The following DTNA variants were observed in gnomAD, a reference collection of about 807,000 sequenced individuals.
DTNA encodes the protein dystrobrevin alpha, also known as dystrophin-related protein 3.
DTNA carries 43 observed loss-of-function variants against 100.7 expected under a neutral mutation model. The ratio of observed to expected loss-of-function variants is 0.43; its 90% confidence interval spans 0.33 to 0.55. The LOEUF (loss-of-function observed/expected upper bound fraction) is 0.55. Ranked by LOEUF, DTNA falls within the 20% of genes least tolerant of loss-of-function variation. DTNA has a pLI of 0.04. For missense variants in DTNA, 798 were observed against 953.9 expected, an observed-to-expected ratio of 0.84 and a Z score of 2.15; for synonymous variants, 349 against 347.9, an observed-to-expected ratio of 1.00 and a Z score of -0.04.
chr18:34,855,166 G>T (rs369087782), intron 15 of DTNA, among the ~76,000 whole-genome samples: 93 of 152,328 alleles, frequency 6.1e-4, no homozygotes, highest in Middle Eastern at 6.8e-3. Context: ...CAAGACACTT[G>T]CCAGGCTAGC....
intron 1 of DTNA, among the ~76,000 whole-genome samples, chr18:34,693,242 A>C (rs2080034909): frequency 6.6e-6 from 1 of 152,184 alleles, no homozygotes; most frequent in African/African-American, 2.4e-5. Context: ...TGGGAGCCTG[A>C]GATAAATAAA....
chr18:34,701,605 C>G (rs2081380038), intron 1 of DTNA, among the ~76,000 whole-genome samples: 1 of 152,158 alleles, frequency 6.6e-6, no homozygotes, highest in Non-Finnish European at 1.5e-5. Context: ...AATACAGACA[C>G]AGCCTATGTG....
chr18:34,852,995 C>CTTTG (rs1410599163), intron 15 of DTNA, among the ~76,000 whole-genome samples: 2 of 152,122 alleles, frequency 1.3e-5, no homozygotes, highest in African/African-American at 4.8e-5. Context: ...TCTTTGAGAA[C>CTTTG]AGAGGCCATG....
intron 1 of DTNA, among the ~76,000 whole-genome samples, chr18:34,544,166 A>G (rs778606407): frequency 1.3e-5 from 2 of 152,112 alleles, no homozygotes; most frequent in Non-Finnish European, 2.9e-5. Flanking sequence ...CTGTGGCATC[A>G]TTAATAAGTA....
At chr18:34,735,952 C>A (rs1406322804) in intron 1 of DTNA, among the ~76,000 whole-genome samples, 1 of 152,156 alleles carries the variant, frequency 6.6e-6, no homozygotes, top group Non-Finnish European at 1.5e-5. Context: ...GATCCTCACC[C>A]AACTCACCCC....
intron 1 of DTNA, among the ~76,000 whole-genome samples, chr18:34,641,414 A>G (rs1043742967): frequency 6.6e-6 from 1 of 152,210 alleles, no homozygotes. Context: ...GCAACTCTGA[A>G]TATTACAGAC....
At chr18:34,633,407 G>A (rs1268111719) in intron 1 of DTNA, among the ~76,000 whole-genome samples, 1 of 152,040 alleles carries the variant, frequency 6.6e-6, no homozygotes, top group Non-Finnish European at 1.5e-5. Flanking sequence ...ATAAATGTTA[G>A]GTTTAATTAT....
At chr18:34,726,629 C>G (rs1241652799) in intron 1 of DTNA, among the ~76,000 whole-genome samples, 1 of 152,208 alleles carries the variant, frequency 6.6e-6, no homozygotes, top group Non-Finnish European at 1.5e-5. Flanking sequence ...ATCCTTCACT[C>G]CTTGTCCTGA....
intron 1 of DTNA, among the ~76,000 whole-genome samples, chr18:34,575,102 T>C (rs761463753): frequency 6.6e-6 from 1 of 152,204 alleles, no homozygotes; most frequent in African/African-American, 2.4e-5. Flanking sequence ...GTGAAACATT[T>C]CTTCTCTCTT....
In DTNA at chr18:34,509,676, T is replaced by C. The variant is rs1247295501; in HGVS notation, c.-2+16162T>C. 1.3e-5 allele frequency among the ~76,000 whole-genome samples: 2 copies of C among 152,190 alleles called. 1 individual carries two copies. Among genetic ancestry groups the C allele is most frequent in the Non-Finnish European group, 2.9e-5 (2 of 68,026 alleles). On this transcript the variant is annotated intron_variant, in intron 1 of 19. Coordinates refer to the DTNA transcript ENST00000283365. ...ACATTTCAAATCATCTAGCTGTTCTTTTATTGTTTGCCTCAGTGTCAACAT... is the reference window on the plus strand; with the variant it reads ...ACATTTCAAATCATCTAGCTGTTCTCTTATTGTTTGCCTCAGTGTCAACAT...
At chr18:34,681,731 C>CACACACACACACACA (rs1491407771) in intron 1 of DTNA, among the ~76,000 whole-genome samples, 14 of 148,160 alleles carry the variant, frequency 9.4e-5, no homozygotes, top group African/African-American at 3.3e-4. Flanking sequence ...CACACACACA[C>CACACACACACACACA]CCCACACACA....
At position 34,888,533 on chromosome 18, in the gene DTNA, T is replaced by G; in HGVS notation, c.*799T>G. Reference sequence around the variant, plus strand: ...CCATAGAATTTAGTGTAAATATTTTTTTTTCCAAATAGATATCATATTCAA... The same window carrying G: ...CCATAGAATTTAGTGTAAATATTTTGTTTTCCAAATAGATATCATATTCAA... On this transcript the variant is annotated 3_prime_UTR_variant, in exon 23 of 23. Coordinates refer to ENST00000444659, the MANE Select transcript of DTNA (RefSeq NM_001386795.1). 1.0e-6 allele frequency: 1 copy of G among 985,658 alleles called. No individual in the cohort carries two copies. The highest frequency in any genetic ancestry group is 1.2e-6 in the Non-Finnish European group (1 of 829,762). The allele number at this position is 985,658 out of a possible 1,614,324, so 61.1% of individuals were successfully genotyped here. A position where few individuals can be genotyped will look rare whatever the true frequency, so the allele number is the denominator to read the frequency against.
Position 34,538,908 on chromosome 18 carries a change from AT to A in DTNA, c.-2+45397del, listed in dbSNP as rs1241097479. 1.2e-4 allele frequency among the ~76,000 whole-genome samples: 19 copies of A among 152,022 alleles called. 1 individual carries two copies. On this transcript the variant is annotated intron_variant, in intron 1 of 19. Transcript: ENST00000283365. ...CAGGAAAATTTTGTCCAATTTGCTT[AT>A]TTATAAATTAAAATTTTCTCAACAC...
At chr18:34,779,197 A>G (rs572850346) in intron 3 of DTNA, among the ~76,000 whole-genome samples, 17 of 152,328 alleles carry the variant, frequency 1.1e-4, no homozygotes, top group Admixed American at 5.2e-4. Flanking sequence ...ATCTAAGGAA[A>G]ACAAGACAGA....
At chr18:34,827,194 T>G (rs1343290111) in intron 9 of DTNA, among the ~76,000 whole-genome samples, 2 of 152,158 alleles carry the variant, frequency 1.3e-5, no homozygotes, top group Non-Finnish European at 2.9e-5. Context: ...TTTCAAAGCC[T>G]CAGGAATCTT....
At chr18:34,791,014 G>A (rs1433528287) in intron 3 of DTNA, among the ~76,000 whole-genome samples, 1 of 152,050 alleles carries the variant, frequency 6.6e-6, no homozygotes, top group African/African-American at 2.4e-5. Flanking sequence ...GAGCCGGCAA[G>A]GGGAGAGATG....
intron 1 of DTNA, among the ~76,000 whole-genome samples, chr18:34,641,935 A>G (rs955810105): frequency 6.6e-6 from 1 of 152,222 alleles, no homozygotes; most frequent in African/African-American, 2.4e-5. Flanking sequence ...AAACAGTCAC[A>G]TAGAACAGTT....
intron 8 of DTNA, among the ~76,000 whole-genome samples, chr18:34,820,039 G>A (rs887381909): frequency 6.7e-6 from 1 of 149,920 alleles, no homozygotes; most frequent in African/African-American, 2.4e-5. Flanking sequence ...TAATGTATGT[G>A]GTAGGCTACT....
At chr18:34,702,105 C>A (rs941723238) in intron 1 of DTNA, among the ~76,000 whole-genome samples, 2 of 152,186 alleles carry the variant, frequency 1.3e-5, no homozygotes, top group Non-Finnish European at 2.9e-5. Context: ...CTGCACAGTG[C>A]TCCAGCCACA....
Sources: gnomAD v4.1 joint callset for allele counts (sites outside exome capture counted in the v4.1 genomes callset) on GRCh38, gnomAD v4.1.1 for gene constraint, MANE v1.5 for transcripts, NCBI Gene and HGNC (gene_info 2026-07-23, HGNC 2026-07-21) for gene names.